MRTFB: variants seen among roughly 807,000 people sequenced by gnomAD.
The protein encoded by MRTFB is myocardin-related transcription factor B.
A neutral mutation model predicts 104.2 loss-of-function variants in MRTFB; 29 were observed. The observed-to-expected ratio is 0.28, with a 90% CI of 0.21 to 0.38. The LOEUF is 0.38. MRTFB is among the 10% of genes least tolerant of loss of function. MRTFB has a pLI of 1.00. For missense variants in MRTFB, 1,270 were observed against 1,341.6 expected, an observed-to-expected ratio of 0.95 and a Z score of 0.83; for synonymous variants, 535 against 519.5, an observed-to-expected ratio of 1.03 and a Z score of -0.41.
At chr16:13,998,618 C>T in the MRTFB span, among the ~76,000 whole-genome samples, 1 of 151,186 alleles carries the variant, frequency 6.6e-6, no homozygotes, top group Non-Finnish European at 1.5e-5. Context: ...TGCATTCCAG[C>T]CTGGGCCACA....
chr16:14,090,879 GGTGTGTGTGTGTGTGTGTGTGTGT>G (rs55685117), intron 2 of MRTFB, among the ~76,000 whole-genome samples: 2 of 141,700 alleles, frequency 1.4e-5, no homozygotes, highest in African/African-American at 5.2e-5. Context: ...AGTTCAGCAT[GGTGTGTGTGTGTGTGTGTGTGTGT>G]GTGTGTGTGT....
chr16:14,220,056 A>C (rs1410390533), intron 8 of MRTFB, among the ~76,000 whole-genome samples: 1 of 152,170 alleles, frequency 6.6e-6, no homozygotes, highest in Non-Finnish European at 1.5e-5. Flanking sequence ...CATCAGTGGT[A>C]GTGTGGATGG....
chr16:14,230,622 G>A (rs1259693084), intron 8 of MRTFB, among the ~76,000 whole-genome samples: 1 of 152,136 alleles, frequency 6.6e-6, no homozygotes, highest in Non-Finnish European at 1.5e-5. Flanking sequence ...TTATTAAAAA[G>A]TCAGGAAACA....
rs1041857091 is a variant in MRTFB, at chr16:14,266,014, A to G, written c.*4570A>G. The G allele has an allele frequency of 4.6e-5, 7 of 152,214 alleles. No individual in the cohort carries two copies. Among genetic ancestry groups the G allele is most frequent in the Admixed American group, 1.3e-4 (2 of 15,284 alleles). The allele number at this position is 152,214 out of a possible 1,614,324, so 9.4% of individuals were successfully genotyped here. ...TTGGTAGGAAGAGGAAGCATTTAGG[A>G]AAGGGTTTAGTATCTACCAAAAGTA... On this transcript the variant is annotated 3_prime_UTR_variant, in exon 17 of 17. Coordinates refer to ENST00000571589, the MANE Select transcript of MRTFB (RefSeq NM_001308142.2).
At position 14,090,824 on chromosome 16, in the gene MRTFB, T is replaced by A. The variant is rs2035012187; in HGVS notation, c.-64+11470T>A. Reference sequence around the variant, plus strand: ...GTGTGACGACTCTGATGCCTAAAAGTGAGCCCAAAGAAAACCACTTTAATT... The same window carrying A: ...GTGTGACGACTCTGATGCCTAAAAGAGAGCCCAAAGAAAACCACTTTAATT... On this transcript the variant is annotated intron_variant, in intron 2 of 16. Coordinates refer to ENST00000571589, the MANE Select transcript of MRTFB (RefSeq NM_001308142.2). Among the ~76,000 whole-genome samples, 3 of 151,550 alleles carry A rather than the reference T, an allele frequency of 2.0e-5. No individual in the cohort carries two copies. The South Asian group carries it at 6.2e-4, about 31-fold the overall frequency.
intron 3 of MRTFB, among the ~76,000 whole-genome samples, chr16:14,162,195 A>G (rs1555492615): frequency 6.6e-6 from 1 of 151,412 alleles, no homozygotes; most frequent in African/African-American, 2.4e-5. Flanking sequence ...ATAGCCAAGC[A>G]TGGTGACACA....
intron 3 of MRTFB, among the ~76,000 whole-genome samples, chr16:14,164,797 A>AGT (rs1466545455): frequency 1.3e-5 from 2 of 152,206 alleles, no homozygotes; most frequent in Non-Finnish European, 2.9e-5. Context: ...CGTGGCTGGA[A>AGT]GTGGCAGACT....
At chr16:14,120,305 C>T (rs1165468758) in intron 2 of MRTFB, among the ~76,000 whole-genome samples, 1 of 152,166 alleles carries the variant, frequency 6.6e-6, no homozygotes, top group African/African-American at 2.4e-5. Context: ...TCAAGTCATA[C>T]TTGTCAGTCT....
At chr16:14,088,957 CTT>C (rs1419679888) in intron 2 of MRTFB, among the ~76,000 whole-genome samples, 1 of 152,078 alleles carries the variant, frequency 6.6e-6, no homozygotes, top group Non-Finnish European at 1.5e-5. Context: ...GTTCTTTCCT[CTT>C]TTTTATTTTG....
chr16:14,161,034 G>C (rs749441203), intron 3 of MRTFB, among the ~76,000 whole-genome samples: 1 of 141,256 alleles, frequency 7.1e-6, no homozygotes. Flanking sequence ...TTTTTTGTTA[G>C]TTGAGTGTCA....
intron 8 of MRTFB, among the ~76,000 whole-genome samples, chr16:14,224,540 A>C (rs145101499): frequency 2.0e-3 from 300 of 152,314 alleles, no homozygotes; most frequent in African/African-American, 7.0e-3. Flanking sequence ...CGCACATTAT[A>C]ATCAACTGTC....
chr16:14,138,618 C>A (rs551110012), intron 2 of MRTFB, among the ~76,000 whole-genome samples: 1 of 152,290 alleles, frequency 6.6e-6, no homozygotes, highest in East Asian at 1.9e-4. Context: ...CAGTTCAGTT[C>A]TTTTTGCCTT....
At chr16:14,192,766 T>C (rs1301804904) in intron 3 of MRTFB, among the ~76,000 whole-genome samples, 1 of 152,224 alleles carries the variant, frequency 6.6e-6, no homozygotes, top group African/African-American at 2.4e-5. Flanking sequence ...TGTGCTGCCA[T>C]CTGCCTCCCT....
chr16:14,156,343 C>T (rs1385587556), intron 3 of MRTFB, among the ~76,000 whole-genome samples: 1 of 152,210 alleles, frequency 6.6e-6, no homozygotes, highest in Non-Finnish European at 1.5e-5. Flanking sequence ...CTGACTAGGA[C>T]TACAGTAGCA....
chr16:14,073,999 T>C (rs557099837), intron 1 of MRTFB, among the ~76,000 whole-genome samples: 2 of 152,338 alleles, frequency 1.3e-5, no homozygotes, highest in East Asian at 1.9e-4. Context: ...CATTTATATA[T>C]GTTACAATGT....
the MRTFB span, among the ~76,000 whole-genome samples, chr16:14,058,360 C>T: frequency 6.6e-6 from 1 of 151,962 alleles, no homozygotes; most frequent in Non-Finnish European, 1.5e-5. Flanking sequence ...TGCTCCATAG[C>T]TTTAATAATA....
chr16:14,083,737 C>T (rs1248914396), intron 2 of MRTFB, among the ~76,000 whole-genome samples: 1 of 152,066 alleles, frequency 6.6e-6, no homozygotes, highest in Non-Finnish European at 1.5e-5. Flanking sequence ...CGTAATCTGT[C>T]GTCTGTTTTT....
At chr16:14,120,477 T>G (rs1196077622) in intron 2 of MRTFB, among the ~76,000 whole-genome samples, 1 of 152,234 alleles carries the variant, frequency 6.6e-6, no homozygotes, top group African/African-American at 2.4e-5. Context: ...TGTGTGCATA[T>G]AAGATAGAGA....
chr16:14,087,297 C>T (rs1013620093), intron 2 of MRTFB, among the ~76,000 whole-genome samples: 1 of 152,168 alleles, frequency 6.6e-6, no homozygotes, highest in Non-Finnish European at 1.5e-5. Flanking sequence ...CAGTGAAACT[C>T]TCTAGGTTAA....
Sources: gnomAD v4.1 joint callset for allele counts (sites outside exome capture counted in the v4.1 genomes callset) on GRCh38, gnomAD v4.1.1 for gene constraint, MANE v1.5 for transcripts, NCBI Gene and HGNC (gene_info 2026-07-23, HGNC 2026-07-21) for gene names.